Variants in IRX4 observed in about 807,000 individuals in gnomAD.
IRX4 encodes iroquois homeobox 4, also known as iroquois-class homeodomain protein IRX-4.
A neutral mutation model predicts 32.0 loss-of-function variants in IRX4; 22 were observed. The ratio of observed to expected loss-of-function variants is 0.69; its 90% CI spans 0.49 to 0.98. The LOEUF (loss-of-function observed/expected upper bound fraction) is 0.98. Among genes scored for constraint, IRX4 ranks in the 50% least tolerant of loss-of-function variants. IRX4 has a pLI of 0.00. For missense variants in IRX4, 840 were observed against 744.2 expected (o/e 1.13, Z -1.50); for synonymous variants, 379 against 351.7 (o/e 1.08, Z -0.87).
Position 1,878,018 on chromosome 5 carries a change from C to G in IRX4, c.1511G>C (p.Arg504Thr), listed in dbSNP as rs1254987532. 1 of 1,507,758 alleles carries G rather than the reference C, an allele frequency of 6.6e-7. No individual in the cohort carries two copies. The highest frequency in any genetic ancestry group is 8.8e-7 in the Non-Finnish European group (1 of 1,133,784). 93.4% of individuals were successfully genotyped at this position (1,507,758 alleles called of 1,614,324 possible). A position where few individuals can be genotyped will look rare whatever the true frequency, so the allele number is the denominator to read the frequency against. The change falls in exon 5 of 5, where the codon AGG becomes ACG. Residue 504 changes from arginine to threonine, a missense_variant. Physicochemically the swap from Arg to Thr is moderately conservative, Grantham distance 71 (BLOSUM62 -1). This residue lies in a region of IRX4 where 585 missense variants were observed against 488.0 expected (regional missense o/e 1.20). Transcript: ENST00000231357. ...GGCCTTGGGCAGGGCGAGCAGCTCCCTGGCGGCGCCTGCAGCTGGGGCGTC... is the reference window on the plus strand; with the variant it reads ...GGCCTTGGGCAGGGCGAGCAGCTCCGTGGCGGCGCCTGCAGCTGGGGCGTC... Reference protein sequence around the residue: ...PQDAPAAGAARELLALPKAGG... With the variant: ...PQDAPAAGAATELLALPKAGG...
At chr5:1,879,282 C>A (rs1310220977) in intron 4 of IRX4, among the ~76,000 whole-genome samples, 1 of 152,216 alleles carries the variant, frequency 6.6e-6, no homozygotes, top group East Asian at 1.9e-4. Context: ...TGAGCCACCG[C>A]GCCCGGCCTA....
intron 1 of IRX4, 73 bp downstream of exon 1, chr5:1,882,530 C>T (rs1285351579): frequency 4.5e-6 from 6 of 1,328,032 alleles, no homozygotes; most frequent in Non-Finnish European, 6.2e-6. Context: ...TCGGACACTC[C>T]CCACCCCCCG....
At position 1,880,808 on chromosome 5, in the gene IRX4, C is replaced by A; in HGVS notation, c.324G>T (p.Ser108=). The A allele has an allele frequency of 6.2e-7, 1 of 1,613,704 alleles. No individual in the cohort carries two copies. Among genetic ancestry groups the A allele is most frequent in the Non-Finnish European group, 8.5e-7 (1 of 1,179,968 alleles). ...SLNSFDSKDG[S]GSAHGGLAPA... is the part of the protein sequence containing the mutation. Reference sequence around the variant, plus strand: ...GTGCCAGGCCCCCATGCGCAGATCCCGAACCATCCTTGGAATCAAAGCTGT... The same window carrying A: ...GTGCCAGGCCCCCATGCGCAGATCCAGAACCATCCTTGGAATCAAAGCTGT... Residue 108 remains serine (S), a synonymous_variant, in exon 3 of 5, where the codon TCG becomes TCT. Transcript: ENST00000231357.
In IRX4 at chr5:1,881,864, G is replaced by T. The variant is rs1311043951; in HGVS notation, c.241C>A (p.Gln81Lys). Residue 81 changes from glutamine (Q) to lysine (K), a missense_variant, in exon 2 of 5, where the codon CAG becomes AAG. Physicochemically the swap from Gln to Lys is moderately conservative, Grantham distance 53 (BLOSUM62 1). Around this residue, in one of 3 missense-constraint regions of IRX4, gnomAD observed 241 missense variants for 220.8 expected, o/e 1.09. Coordinates refer to ENST00000231357, the MANE Select transcript of IRX4 (RefSeq NM_016358.3). The stretch of plus-strand genomic sequence containing the variant: ...TAGGTCACGTAGTTGCCATAGCCCT[G>T]CGATCCGCCATAGGGACCCCCATAG... ...GVYGGPYGGSQGYGNYVTYGS... is the reference protein window; with the variant it reads ...GVYGGPYGGSKGYGNYVTYGS... 4 of 1,582,198 alleles carry T rather than the reference G, an allele frequency of 2.5e-6. No homozygotes were observed. The highest frequency in any genetic ancestry group is 3.4e-6 in the Non-Finnish European group (4 of 1,164,534).
At chr5:1,879,091 A>G (rs1236749151) in intron 4 of IRX4, among the ~76,000 whole-genome samples, 1 of 151,620 alleles carries the variant, frequency 6.6e-6, no homozygotes, top group African/African-American at 2.4e-5. Flanking sequence ...TCCAGGGTTC[A>G]GGGCATTCTC....
chr5:1,882,348 T>C (rs1579255200), intron 1 of IRX4, among the ~76,000 whole-genome samples: 1 of 152,126 alleles, frequency 6.6e-6, no homozygotes, highest in African/African-American at 2.4e-5. Flanking sequence ...GTCCTAGGAC[T>C]CCCCTGGGGC....
chr5:1,877,974 C>A lies in IRX4; in HGVS notation c.1555G>T (p.Ala519Ser), dbSNP rs773809133. Residue 519 changes from alanine to serine, a missense_variant, in exon 5 of 5, where the codon GCC (alanine) becomes TCC (serine). Physicochemically the swap from Ala to Ser is moderately conservative, Grantham distance 99 (BLOSUM62 1). Around this residue, in one of 3 missense-constraint regions of IRX4, gnomAD observed 585 missense variants for 488.0 expected, o/e 1.20. Transcript: ENST00000231357. ...GGGCTCGGGACCCGCCCGCCTCAGG[C>A]GCAGAAGGGTTTGCCGCCGGCCTTG... The part of the protein sequence containing the change: ...LPKAGGKPFC[A>S] The A allele has an allele frequency of 1.3e-6, 2 of 1,499,610 alleles. No homozygotes were observed. The highest frequency in any genetic ancestry group is 1.8e-6 in the Non-Finnish European group (2 of 1,129,678). 92.9% of individuals were successfully genotyped at this position (1,499,610 alleles called of 1,614,324 possible).
rs1312571933 is a variant in IRX4, at chr5:1,879,484, GT to G, written c.736+19del. On this transcript the variant is annotated intron_variant, in intron 4 of 4. Transcript: ENST00000231357. ...CTGCACTCCAGGGCCTCAGCCCCCA[GT>G]GACAACCTCCCAACCCACCTGCGTT... is the stretch of plus-strand genomic sequence containing the variant. The G allele has an allele frequency of 6.2e-7, 1 of 1,612,810 alleles. No individual in the cohort carries two copies. The highest frequency in any genetic ancestry group is 1.1e-5 in the South Asian group (1 of 91,068).
intron 1 of IRX4, 119 bp from the exon 2 acceptor site, chr5:1,882,178 C>A (rs889770797): frequency 2.5e-6 from 3 of 1,217,968 alleles, no homozygotes; most frequent in Admixed American, 2.9e-5. Flanking sequence ...GGCCTCCCGC[C>A]GTCCACACCA....
At chr5:1,880,593 GCCTGA>G in intron 3 of IRX4, 127 bp downstream of exon 3, 1 of 662,426 alleles carries the variant, frequency 1.5e-6, no homozygotes, top group Non-Finnish European at 2.7e-6. Flanking sequence ...CTCAGGTCAT[GCCTGA>G]CCTAAGAGTG....
At chr5:1,885,310 C>G (rs901496), upstream of IRX4, among the ~76,000 whole-genome samples, 509 of 152,346 alleles carry the variant, frequency 3.3e-3, 4 homozygotes, top group African/African-American at 0.012. Context: ...CCCAGGGCAG[C>G]CAGTACGTGG....
chr5:1,878,902 C>T, intron 4 of IRX4, 110 bp from the exon 5 acceptor site: 2 of 1,150,412 alleles, frequency 1.7e-6, no homozygotes, highest in Non-Finnish European at 2.6e-6. Flanking sequence ...GAAAAGCACT[C>T]GGGGCCTCTC....
intron 4 of IRX4, among the ~76,000 whole-genome samples, 190 bp from the exon 5 acceptor site, chr5:1,878,982 AG>A (rs1199733162): frequency 1.4e-5 from 2 of 146,954 alleles, no homozygotes; most frequent in African/African-American, 5.1e-5. Flanking sequence ...CCAATGGGGG[AG>A]GGGGGTGTCT....
At chr5:1,886,870 G>C (rs1394951028), upstream of IRX4, 1 of 151,988 alleles carries the variant, frequency 6.6e-6, no homozygotes, top group Non-Finnish European at 1.5e-5. Flanking sequence ...ACCTGAGCTG[G>C]GGAAGCTCCC....
chr5:1,877,990 G>A lies in IRX4; in HGVS notation c.1539C>T (p.Gly513=). 6.7e-7 allele frequency: 1 copy of A among 1,502,606 alleles called. No homozygotes were observed. Among genetic ancestry groups the A allele is most frequent in the African/African-American group, 1.4e-5 (1 of 69,678 alleles). 93.1% of individuals were successfully genotyped at this position (1,502,606 alleles called of 1,614,324 possible). A position where few individuals can be genotyped will look rare whatever the true frequency, so the allele number is the denominator to read the frequency against. Reference sequence around the variant, plus strand: ...CGCCTCAGGCGCAGAAGGGTTTGCCGCCGGCCTTGGGCAGGGCGAGCAGCT... The same window carrying A: ...CGCCTCAGGCGCAGAAGGGTTTGCCACCGGCCTTGGGCAGGGCGAGCAGCT... The part of the protein sequence containing the change: ...ARELLALPKA[G]GKPFCA Residue 513 remains glycine, a synonymous_variant, in exon 5 of 5, where the codon GGC becomes GGT. Coordinates refer to ENST00000231357, the MANE Select transcript of IRX4 (RefSeq NM_016358.3).
intron 4 of IRX4, among the ~76,000 whole-genome samples, chr5:1,879,123 C>T (rs907690653): frequency 6.6e-6 from 1 of 152,038 alleles, no homozygotes; most frequent in Non-Finnish European, 1.5e-5. Context: ...TCCCGAGTAG[C>T]TGGGACTACA....
rs1735363850 is a variant in IRX4 at position 1,879,789 on chromosome 5, G to C, written c.451C>G (p.Arg151Gly). 3 of 1,614,004 alleles carry C rather than the reference G, an allele frequency of 1.9e-6. No homozygotes were observed. The highest frequency in any genetic ancestry group is 2.5e-6 in the Non-Finnish European group (3 of 1,180,048). Reference protein sequence around the residue: ...DSGTRRKNATRETTSTLKAWL... With the variant: ...DSGTRRKNATGETTSTLKAWL... ...GCCTTGAGCGTGCTGGTGGTCTCGCGCGTGGCGTTCTTGCGCCGCGTGCCG... is the reference window on the plus strand; with the variant it reads ...GCCTTGAGCGTGCTGGTGGTCTCGCCCGTGGCGTTCTTGCGCCGCGTGCCG... Residue 151 changes from arginine to glycine, a missense_variant, in exon 4 of 5, where the codon CGC becomes GGC. Coordinates refer to ENST00000231357, the MANE Select transcript of IRX4 (RefSeq NM_016358.3).
chr5:1,877,914 G>A lies in IRX4; in HGVS notation c.*55C>T, dbSNP rs1579246817. 1.4e-6 allele frequency: 2 copies of A among 1,426,898 alleles called. No individual in the cohort carries two copies. The highest frequency in any genetic ancestry group is 2.2e-5 in the Admixed American group (1 of 45,514). The allele number at this position is 1,426,898 out of a possible 1,614,324, so 88.4% of individuals were successfully genotyped here. On this transcript the variant is annotated 3_prime_UTR_variant, in exon 5 of 5. Transcript: ENST00000231357. Reference sequence around the variant, plus strand: ...TTCCTCTGGAAACTCAGTGAAAAGAGTCGGCGCCGTCCGCCTGAGCGCGGG... The same window carrying A: ...TTCCTCTGGAAACTCAGTGAAAAGAATCGGCGCCGTCCGCCTGAGCGCGGG...
At chr5:1,887,116 C>T (rs1735657603), upstream of IRX4, 1 of 151,634 alleles carries the variant, frequency 6.6e-6, no homozygotes, top group South Asian at 2.1e-4. Context: ...CGCGGAAGCT[C>T]GGCGCGCGCG....
Sources: gnomAD v4.1 joint callset for allele counts (sites outside exome capture counted in the v4.1 genomes callset) on GRCh38, gnomAD v4.1.1 for gene constraint, gnomAD v4.1.1 regional missense constraint, MANE v1.5 for transcripts, NCBI Gene and HGNC (gene_info 2026-07-23, HGNC 2026-07-21) for gene names.